SHOC2: variants seen among roughly 807,000 people sequenced by gnomAD.
SHOC2 encodes SHOC2 leucine rich repeat scaffold protein.
In SHOC2, 4 loss-of-function variants were observed where a neutral mutation model predicts 50.2. That is an observed-to-expected ratio of 0.08 (90% CI 0.04 to 0.18). SHOC2 has a LOEUF of 0.18. SHOC2 is among the 10% of genes least tolerant of loss of function. The pLI, the probability that SHOC2 is intolerant of heterozygous loss-of-function variation, is 1.00. For missense variants in SHOC2, 388 were observed against 669.6 expected, an observed-to-expected ratio of 0.58 and a Z score of 4.64; for synonymous variants, 218 against 244.5, an observed-to-expected ratio of 0.89 and a Z score of 1.01.
chr10:110,999,932 T>C (rs1013937994), intron 3 of SHOC2, among the ~76,000 whole-genome samples: 2 of 152,084 alleles, frequency 1.3e-5, no homozygotes, highest in African/African-American at 4.8e-5. Flanking sequence ...GTATGGAACC[T>C]TTCTGATCTC....
At chr10:110,967,539 C>T (rs1253333985) in intron 2 of SHOC2, among the ~76,000 whole-genome samples, 1 of 152,100 alleles carries the variant, frequency 6.6e-6, no homozygotes, top group African/African-American at 2.4e-5. Flanking sequence ...TTAGAATATT[C>T]AGATTTATGT....
chr10:111,005,013 C>T (rs1475666490), intron 5 of SHOC2, among the ~76,000 whole-genome samples: 1 of 152,170 alleles, frequency 6.6e-6, no homozygotes, highest in Admixed American at 6.5e-5. Context: ...TTGTCCAGCT[C>T]AGTGGCTGAT....
At chr10:110,962,121 T>G (rs1360042862) in intron 1 of SHOC2, among the ~76,000 whole-genome samples, 1 of 152,116 alleles carries the variant, frequency 6.6e-6, no homozygotes, top group African/African-American at 2.4e-5. Flanking sequence ...CCAAGTTTTC[T>G]TACCTTTTAA....
At chr10:110,978,601 C>T (rs919936282) in intron 2 of SHOC2, among the ~76,000 whole-genome samples, 2 of 152,218 alleles carry the variant, frequency 1.3e-5, no homozygotes, top group African/African-American at 4.8e-5. Context: ...CCACAGTTGG[C>T]AACTGTTGAA....
chr10:110,971,150 C>G (rs1020436745), intron 2 of SHOC2, among the ~76,000 whole-genome samples: 3 of 152,018 alleles, frequency 2.0e-5, no homozygotes, highest in Non-Finnish European at 4.4e-5. Context: ...AGTGTTTCCC[C>G]TATGTTTCTT....
At chr10:110,974,602 G>A (rs1040645949) in intron 2 of SHOC2, among the ~76,000 whole-genome samples, 2 of 151,742 alleles carry the variant, frequency 1.3e-5, no homozygotes, top group African/African-American at 4.8e-5. Flanking sequence ...TATGGATTAA[G>A]TATTTTTTAA....
chr10:110,962,495 AATAG>A (rs1461955921), intron 1 of SHOC2, among the ~76,000 whole-genome samples: 15 of 152,280 alleles, frequency 9.9e-5, no homozygotes, highest in South Asian at 2.1e-4. Context: ...GTTGAATAGT[AATAG>A]ATAGAGCTCT....
rs1222813984 is a variant in SHOC2, at chr10:111,012,998, A to G, written c.*1180A>G. ...CACATATGGGGCACTGGCTTCAAAC[A>G]ATTCAGTTCAGTATCATTACTTTTA... On this transcript the variant is annotated 3_prime_UTR_variant, in exon 9 of 9. Transcript: ENST00000369452. 6.6e-6 allele frequency: 1 copy of G among 152,638 alleles called. No individual in the cohort carries two copies. The allele number at this position is 152,638 out of a possible 1,614,324, so 9.5% of individuals were successfully genotyped here. A position where few individuals can be genotyped will look rare whatever the true frequency, so the allele number is the denominator to read the frequency against.
At chr10:110,962,079 T>A (rs1303117161) in intron 1 of SHOC2, among the ~76,000 whole-genome samples, 1 of 152,120 alleles carries the variant, frequency 6.6e-6, no homozygotes, top group Non-Finnish European at 1.5e-5. Context: ...TTTTCGTTTT[T>A]ATCATTAGAA....
chr10:110,987,303 T>G (rs931023618), intron 3 of SHOC2, among the ~76,000 whole-genome samples: 1 of 152,196 alleles, frequency 6.6e-6, no homozygotes, highest in East Asian at 1.9e-4. Context: ...CTACCATTAC[T>G]TGAAACAAAG....
intron 4 of SHOC2, among the ~76,000 whole-genome samples, chr10:111,004,094 T>C (rs1331512309): frequency 6.6e-6 from 1 of 152,186 alleles, no homozygotes; most frequent in African/African-American, 2.4e-5. Flanking sequence ...GGAAGCATAA[T>C]CATCTACTGA....
chr10:110,961,333 A>C (rs1469952885), intron 1 of SHOC2, among the ~76,000 whole-genome samples: 1 of 152,200 alleles, frequency 6.6e-6, no homozygotes, highest in Non-Finnish European at 1.5e-5. Flanking sequence ...GAAACATGAA[A>C]GATTACTCTC....
rs774394415 is a variant in SHOC2, at chr10:111,009,376, G to A, written c.1413G>A (p.Lys471=). 3 of 1,609,328 alleles carry A rather than the reference G, an allele frequency of 1.9e-6. No homozygotes were observed. The South Asian group carries it at 3.3e-5, about 18-fold the overall frequency. The change falls in exon 7 of 9, where the codon AAG becomes AAA. Residue 471 remains lysine (K), a synonymous_variant. Coordinates refer to ENST00000369452, the MANE Select transcript of SHOC2 (RefSeq NM_007373.4). ...ESLPNEIAYL[K]DLQKLVLTNN... ...TGCCAAATGAAATTGCATATCTTAA[G>A]GATTTACAGGTAAACATTATGCTGA...
chr10:110,982,860 G>T (rs143433343), intron 2 of SHOC2, among the ~76,000 whole-genome samples: 1 of 152,136 alleles, frequency 6.6e-6, no homozygotes, highest in East Asian at 1.9e-4. Flanking sequence ...AAATGAGTTT[G>T]AAATTGTTTC....
chr10:110,940,910 G>GGTTTTTTTTTTTTTT lies in SHOC2; in HGVS notation c.-235+21253_-235+21254insGTTTTTTTTTTTTTT, dbSNP rs1564705752. Among the ~76,000 whole-genome samples, 8 of 119,504 alleles carry GGTTTTTTTTTTTTTT rather than the reference G, an allele frequency of 6.7e-5. 1 individual carries two copies. The highest frequency in any genetic ancestry group is 1.9e-4 in the African/African-American group (6 of 31,418). 78.4% of individuals were successfully genotyped at this position (119,504 alleles called of 152,430 possible). A position where few individuals can be genotyped will look rare whatever the true frequency, so the allele number is the denominator to read the frequency against. On this transcript the variant is annotated intron_variant, in intron 1 of 8. Transcript: ENST00000369452. ...GACAAAATAGTGGTATTTGTGGTGGGTTTTTTTTTTTTTTTTTTTTTTTTT... is the reference window on the plus strand; with the variant it reads ...GACAAAATAGTGGTATTTGTGGTGGGGTTTTTTTTTTTTTTTTTTTTTTTTTTTTTTTTTTTTTTT...
intron 1 of SHOC2, among the ~76,000 whole-genome samples, chr10:110,940,713 G>T (rs1056812193): frequency 6.6e-6 from 1 of 151,962 alleles, no homozygotes; most frequent in Admixed American, 6.6e-5. Context: ...ATGGTTTTCT[G>T]TTGTCTTTAA....
chr10:110,924,255 C>G (rs1455114210), intron 1 of SHOC2, among the ~76,000 whole-genome samples: 1 of 152,156 alleles, frequency 6.6e-6, no homozygotes, highest in Non-Finnish European at 1.5e-5. Context: ...GAGTTTGTTG[C>G]ATGAACCGGA....
intron 5 of SHOC2, among the ~76,000 whole-genome samples, chr10:111,005,123 C>A (rs1848445018): frequency 6.6e-6 from 1 of 151,902 alleles, no homozygotes; most frequent in South Asian, 2.1e-4. Flanking sequence ...CCTTGTCTCG[C>A]AAAAATTTTT....
At chr10:110,925,869 C>T (rs1846761348) in intron 1 of SHOC2, among the ~76,000 whole-genome samples, 1 of 152,204 alleles carries the variant, frequency 6.6e-6, no homozygotes, top group South Asian at 2.1e-4. Flanking sequence ...TTAAAACACT[C>T]ATTTGCATTT....
Sources: allele counts gnomAD v4.1 joint callset (sites outside exome capture counted in the v4.1 genomes callset), GRCh38; gene constraint gnomAD v4.1.1; transcripts MANE v1.5; gene names NCBI Gene and HGNC (gene_info 2026-07-23, HGNC 2026-07-21).